ETS1: variants seen among roughly 807,000 people sequenced by gnomAD.
ETS1 encodes protein C-ets-1.
ETS1 carries 15 observed loss-of-function variants against 58.6 expected under a neutral mutation model. The observed-to-expected ratio is 0.26, with a 90% CI of 0.17 to 0.39. ETS1 has a LOEUF of 0.39. Ranked by LOEUF, ETS1 falls within the 10% of genes least tolerant of loss-of-function variation. The pLI is 1.00. For synonymous variants in ETS1, 214 were observed against 218.2 expected (o/e 0.98, Z 0.17); for missense variants, 417 against 610.5 (o/e 0.68, Z 3.34).
intron 3 of ETS1, among the ~76,000 whole-genome samples, chr11:128,512,509 C>T (rs1452308016): frequency 6.6e-6 from 1 of 152,222 alleles, no homozygotes; most frequent in African/African-American, 2.4e-5. Flanking sequence ...TTCAGATAAC[C>T]CCCATGTGCG....
intron 3 of ETS1, among the ~76,000 whole-genome samples, chr11:128,495,894 T>C (rs1380973548): frequency 7.2e-5 from 11 of 152,206 alleles, no homozygotes; most frequent in Non-Finnish European, 1.3e-4. Flanking sequence ...GTTTTACATT[T>C]TTTATTTGGC....
At chr11:128,521,283 T>G (rs149998451) in intron 3 of ETS1, among the ~76,000 whole-genome samples, 40 of 152,270 alleles carry the variant, frequency 2.6e-4, no homozygotes, top group African/African-American at 7.9e-4. Context: ...GAAGAAAAAT[T>G]TATGGCAGAT....
At chr11:128,507,633 G>T (rs1056754880) in intron 3 of ETS1, among the ~76,000 whole-genome samples, 2 of 152,172 alleles carry the variant, frequency 1.3e-5, no homozygotes, top group African/African-American at 4.8e-5. Context: ...CTTCCTTAGG[G>T]GAAGCCTGCT....
At chr11:128,484,347 A>G (rs1238224462) in intron 7 of ETS1, among the ~76,000 whole-genome samples, 1 of 152,154 alleles carries the variant, frequency 6.6e-6, no homozygotes, top group Non-Finnish European at 1.5e-5. Context: ...TAAAGATCCC[A>G]GGCTGGCCAG....
Position 128,549,257 on chromosome 11 carries a change from G to GCGCCCCTCGCCCCTCGCCCCT in ETS1, c.214+7013_214+7033dup, listed in dbSNP as rs531114610. Among the ~76,000 whole-genome samples the GCGCCCCTCGCCCCTCGCCCCT allele has an allele frequency of 2.1e-4, 27 of 129,596 alleles. No homozygotes were observed. Among genetic ancestry groups the GCGCCCCTCGCCCCTCGCCCCT allele is most frequent in the African/African-American group, 6.8e-4 (23 of 33,962 alleles). The allele number at this position is 129,596 out of a possible 152,430, so 85.0% of individuals were successfully genotyped here. A position where few individuals can be genotyped will look rare whatever the true frequency, so the allele number is the denominator to read the frequency against. On this transcript the variant is annotated intron_variant, in intron 3 of 9. Transcript: ENST00000392668. The surrounding 1 kb of genome is among the most constrained non-coding windows in gnomAD (Gnocchi z 4.3). Reference sequence around the variant, plus strand: ...GCCCGCCCCCACCCTCCACTCTCACGCGCCCCTCGCCCCTCGCCCCTCGCC... The same window carrying GCGCCCCTCGCCCCTCGCCCCT: ...GCCCGCCCCCACCCTCCACTCTCACGCGCCCCTCGCCCCTCGCCCCTCGCCCCTCGCCCCTCGCCCCTCGCC...
In ETS1 at chr11:128,549,682, G is replaced by C. The variant is rs1237293129; in HGVS notation, c.214+6609C>G. The stretch of plus-strand genomic sequence containing the variant: ...CCAGAGGCTTCGGTTTGTCTGTCTT[G>C]GTTTCCTTCCTTCCCGGGGACCTAA... On this transcript the variant is annotated intron_variant, in intron 3 of 9. Coordinates refer to ENST00000392668, the MANE Select transcript of ETS1 (RefSeq NM_001143820.2). The surrounding 1 kb of genome is among the most constrained non-coding windows in gnomAD (Gnocchi z 4.3). 6.6e-6 allele frequency among the ~76,000 whole-genome samples: 1 copy of C among 152,124 alleles called. No homozygotes were observed. Among genetic ancestry groups the C allele is most frequent in the African/African-American group, 2.4e-5 (1 of 41,410 alleles).
intron 1 of ETS1, among the ~76,000 whole-genome samples, chr11:128,586,419 A>C (rs1865032623): frequency 6.6e-6 from 1 of 152,250 alleles, no homozygotes. Context: ...CCCCTGAAGA[A>C]AAAGCGTTTT....
chr11:128,467,938 C>T (rs938690231), intron 8 of ETS1, among the ~76,000 whole-genome samples: 1 of 152,168 alleles, frequency 6.6e-6, no homozygotes, highest in African/African-American at 2.4e-5. Flanking sequence ...TCCACACCCC[C>T]TGCTGTCTGC....
chr11:128,482,386 A>G (rs1025094383), intron 7 of ETS1, among the ~76,000 whole-genome samples: 10 of 152,244 alleles, frequency 6.6e-5, no homozygotes, highest in African/African-American at 2.4e-4. Context: ...TTATATTTTC[A>G]TCAACACCGC....
At chr11:128,504,017 ATG>A (rs1863160884) in intron 3 of ETS1, among the ~76,000 whole-genome samples, 1 of 152,160 alleles carries the variant, frequency 6.6e-6, no homozygotes, top group Non-Finnish European at 1.5e-5. Context: ...ATCTAAATAT[ATG>A]TCCCTAATGA....
intron 3 of ETS1, among the ~76,000 whole-genome samples, chr11:128,551,983 C>T (rs1334446235): frequency 6.6e-6 from 1 of 152,072 alleles, no homozygotes; most frequent in Non-Finnish European, 1.5e-5. Flanking sequence ...GGGTAGAACT[C>T]CATAACCAGT....
At chr11:128,562,363 C>T (rs1250422460) in intron 2 of ETS1, among the ~76,000 whole-genome samples, 4 of 152,230 alleles carry the variant, frequency 2.6e-5, no homozygotes, top group Admixed American at 6.5e-5. Flanking sequence ...GAGCCGAGAT[C>T]GTGCCATTGC....
chr11:128,573,307 GACTAACCCCCAGC>G (rs1398340245), intron 1 of ETS1, among the ~76,000 whole-genome samples, 163 bp from the exon 2 acceptor site: 1 of 152,148 alleles, frequency 6.6e-6, no homozygotes, highest in Non-Finnish European at 1.5e-5. Context: ...AAAGATCAGT[GACTAACCCCCAGC>G]ACCGGTAAGA....
intron 3 of ETS1, among the ~76,000 whole-genome samples, chr11:128,543,232 T>A (rs535558327): frequency 6.6e-6 from 1 of 152,088 alleles, no homozygotes; most frequent in South Asian, 2.1e-4. Context: ...GGTATTTTTT[T>A]ATAATAATTT....
chr11:128,509,549 AATT>A (rs779774759), intron 3 of ETS1, among the ~76,000 whole-genome samples: 3,565 of 129,658 alleles, frequency 0.027, 184 homozygotes, highest in African/African-American at 0.081. Context: ...ATCAGGTGAA[AATT>A]TTTTTTTTTT....
At chr11:128,504,708 T>TACATC (rs1222882507) in intron 3 of ETS1, among the ~76,000 whole-genome samples, 3 of 152,216 alleles carry the variant, frequency 2.0e-5, no homozygotes, top group African/African-American at 7.2e-5. Flanking sequence ...TTTTTTCCTC[T>TACATC]ACATCATTGC....
chr11:128,571,511 A>ACTCCGTCCAGCCTGGACG lies in ETS1; in HGVS notation c.69+1550_69+1551insCGTCCAGGCTGGACGGAG, dbSNP rs1238592327. Among the ~76,000 whole-genome samples, 20 of 4,492 alleles carry ACTCCGTCCAGCCTGGACG rather than the reference A, an allele frequency of 4.5e-3. 2 individuals carry two copies. Among genetic ancestry groups the ACTCCGTCCAGCCTGGACG allele is most frequent in the African/African-American group, 0.033 (18 of 546 alleles). The allele number at this position is 4,492 out of a possible 152,430, so 2.9% of individuals were successfully genotyped here. On this transcript the variant is annotated intron_variant, in intron 2 of 9. Coordinates refer to ENST00000392668, the MANE Select transcript of ETS1 (RefSeq NM_001143820.2). ...AGAGCAAGACTCCGTCAAAAAAAAA[A>ACTCCGTCCAGCCTGGACG]AAAAAAAAAAAAAAAAAAAAAAAAA...
intron 3 of ETS1, among the ~76,000 whole-genome samples, chr11:128,507,013 G>A (rs370184931): frequency 4.6e-5 from 7 of 152,190 alleles, no homozygotes; most frequent in Non-Finnish European, 1.5e-5. Context: ...TCCAGTCCCT[G>A]GTGGGGGAGA....
chr11:128,481,622 C>A (rs187812137), intron 7 of ETS1, among the ~76,000 whole-genome samples: 1 of 152,166 alleles, frequency 6.6e-6, no homozygotes, highest in Non-Finnish European at 1.5e-5. Flanking sequence ...GAGAAATATC[C>A]GTAAGTCAAC....
Sources: gnomAD v4.1 joint callset for allele counts (sites outside exome capture counted in the v4.1 genomes callset) on GRCh38, gnomAD v4.1.1 for gene constraint, Gnocchi (gnomAD v3.1) non-coding constraint, MANE v1.5 for transcripts, NCBI Gene and HGNC (gene_info 2026-07-23, HGNC 2026-07-21) for gene names.